KTN1: variants seen among roughly 807,000 people sequenced by gnomAD.
KTN1 encodes kinectin 1, also known as kinectin.
Under a neutral mutation model 222.5 loss-of-function variants are expected in KTN1, and 130 were observed. The ratio of observed to expected loss-of-function variants is 0.58; its 90% CI spans 0.51 to 0.68. The LOEUF is 0.68. KTN1 is among the 30% of genes least tolerant of loss of function. KTN1 has a pLI of 0.00. For missense variants in KTN1, 1,508 were observed against 1,500.4 expected (o/e 1.01, Z -0.08); for synonymous variants, 512 against 496.3 (o/e 1.03, Z -0.42).
At chr14:55,656,315 T>C (rs1353587050) in intron 29 of KTN1, 183 bp downstream of exon 29, 7 of 521,710 alleles carry the variant, frequency 1.3e-5, no homozygotes, top group Non-Finnish European at 2.1e-5. Context: ...TGTATGTATG[T>C]ATACTTGTTT....
In KTN1 at chr14:55,637,357, A is replaced by G. The variant is rs374845749; in HGVS notation, c.1709A>G (p.Gln570Arg). 11 of 1,546,870 alleles carry G rather than the reference A, an allele frequency of 7.1e-6. No homozygotes were observed. Among genetic ancestry groups the G allele is most frequent in the South Asian group, 3.7e-5 (3 of 80,794 alleles). ...AACAAAGAAGAGTCTCTACAAATGCAGGTTCAGGTATTTTTTCTTCTTTTT... is the reference window on the plus strand; with the variant it reads ...AACAAAGAAGAGTCTCTACAAATGCGGGTTCAGGTATTTTTTCTTCTTTTT... ...RVNKEESLQM[Q>R]VQDILEQNEA... The change falls in exon 11 of 44, where the codon CAG (glutamine) becomes CGG (arginine). Residue 570 changes from glutamine to arginine, a missense_variant. Gln to Arg is a conservative substitution (Grantham distance 43, BLOSUM62 1). Coordinates refer to ENST00000395314, the MANE Select transcript of KTN1 (RefSeq NM_001079521.2).
At chr14:55,611,634 C>T (rs1244740070) in intron 1 of KTN1, among the ~76,000 whole-genome samples, 1 of 152,122 alleles carries the variant, frequency 6.6e-6, no homozygotes, top group South Asian at 2.1e-4. Context: ...AATAGTACCT[C>T]CTTATTTTCA....
chr14:55,634,105 G>A (rs896343335), intron 8 of KTN1, among the ~76,000 whole-genome samples: 10 of 151,934 alleles, frequency 6.6e-5, no homozygotes, highest in African/African-American at 2.2e-4. Context: ...CTGTACTCCA[G>A]CCTGGGTGAC....
At chr14:55,625,605 T>C (rs184794663) in intron 5 of KTN1, among the ~76,000 whole-genome samples, 116 of 152,332 alleles carry the variant, frequency 7.6e-4, no homozygotes, top group African/African-American at 2.7e-3. Flanking sequence ...TCAATGTTAG[T>C]ACTTTTGTCA....
intron 29 of KTN1, among the ~76,000 whole-genome samples, chr14:55,657,719 A>G (rs1338848483): frequency 6.6e-6 from 1 of 151,944 alleles, no homozygotes; most frequent in Non-Finnish European, 1.5e-5. Flanking sequence ...GAGACCAAAC[A>G]TGGCCAACGT....
Position 55,670,797 on chromosome 14 carries a change from AGAG to A in KTN1, c.3341_3343del (p.Glu1114del). 6.2e-7 allele frequency: 1 copy of A among 1,607,786 alleles called. No individual in the cohort carries two copies. The highest frequency in any genetic ancestry group is 8.5e-7 in the Non-Finnish European group (1 of 1,175,398). On this transcript the variant is annotated inframe_deletion, in exon 35 of 44. Coordinates refer to ENST00000395314, the MANE Select transcript of KTN1 (RefSeq NM_001079521.2). ...AATGTATGGCTGGAACTTCAGGGTC[AGAG>A]GAGGTTAAGGTTAGTTCAGCAAATG... is the stretch of plus-strand genomic sequence containing the variant.
At position 55,661,555 on chromosome 14, in the gene KTN1, C is replaced by T; in HGVS notation, c.3033C>T (p.Leu1011=). 2 of 1,603,478 alleles carry T rather than the reference C, an allele frequency of 1.2e-6. No individual in the cohort carries two copies. Among genetic ancestry groups the T allele is most frequent in the Non-Finnish European group, 1.7e-6 (2 of 1,170,926 alleles). ...AAAGAGAGAAAGAAATAAGTGGTCT[C>T]TGGAATGAGTTAGATTCTTTGAAGG... ...ISEREKEISG[L]WNELDSLKDA... Residue 1011 remains leucine (L), a synonymous_variant, in exon 32 of 44, where the codon CTC becomes CTT. Transcript: ENST00000395314.
chr14:55,669,860 C>T (rs2045288106), intron 34 of KTN1, among the ~76,000 whole-genome samples: 1 of 151,944 alleles, frequency 6.6e-6, no homozygotes, highest in East Asian at 1.9e-4. Flanking sequence ...AATCCTGATT[C>T]TGCTGCATAT....
chr14:55,678,645 G>A, intron 42 of KTN1: 1 of 503,880 alleles, frequency 2.0e-6, no homozygotes, highest in East Asian at 3.5e-5. Context: ...GAGAGGTATG[G>A]AGCGGGGGTC....
At chr14:55,617,200 A>G (rs2140714390) in intron 3 of KTN1, among the ~76,000 whole-genome samples, 1 of 152,340 alleles carries the variant, frequency 6.6e-6, no homozygotes, top group Admixed American at 6.5e-5. Flanking sequence ...GTATGAGAGA[A>G]ATATTACCTG....
At chr14:55,644,282 A>C (rs1437867639) in intron 18 of KTN1, 2 of 592,236 alleles carry the variant, frequency 3.4e-6, no homozygotes, top group African/African-American at 1.9e-5. Flanking sequence ...TCCAAGTGAC[A>C]GTTGAGAGAT....
At chr14:55,678,603 T>C (rs1244308413) in intron 42 of KTN1, 159 bp downstream of exon 42, 1 of 594,386 alleles carries the variant, frequency 1.7e-6, no homozygotes, top group African/African-American at 1.9e-5. Flanking sequence ...CATTTTTGCT[T>C]ATTGAGGTAT....
intron 12 of KTN1, among the ~76,000 whole-genome samples, chr14:55,638,908 C>T (rs533782927): frequency 7.2e-5 from 11 of 151,848 alleles, no homozygotes; most frequent in Admixed American, 3.9e-4. Context: ...GTTTTTCCTA[C>T]TCATTTGTTG....
At chr14:55,606,872 A>G (rs1241676252) in intron 1 of KTN1, among the ~76,000 whole-genome samples, 1 of 152,182 alleles carries the variant, frequency 6.6e-6, no homozygotes, top group Non-Finnish European at 1.5e-5. Context: ...ATGAGTGTAT[A>G]TAATACTCAA....
intron 21 of KTN1, 85 bp from the exon 22 acceptor site, chr14:55,649,691 A>C: frequency 1.2e-6 from 1 of 810,710 alleles, no homozygotes; most frequent in Non-Finnish European, 2.0e-6. Context: ...ATTGTATTGG[A>C]AAATCTAAGG....
At chr14:55,609,766 G>A (rs537396983) in intron 1 of KTN1, among the ~76,000 whole-genome samples, 23 of 151,968 alleles carry the variant, frequency 1.5e-4, no homozygotes, top group African/African-American at 5.1e-4. Flanking sequence ...GTGCCTTAGC[G>A]TCTCTTCTTC....
chr14:55,593,445 C>CCG (rs2034491942), intron 1 of KTN1, among the ~76,000 whole-genome samples: 1 of 139,606 alleles, frequency 7.2e-6, no homozygotes, highest in South Asian at 2.4e-4. Context: ...CACCCCCCCC[C>CCG]CAAAAAAAAA....
At chr14:55,641,863 G>A (rs757937958) in intron 18 of KTN1, 103 bp downstream of exon 18, 250 of 758,618 alleles carry the variant, frequency 3.3e-4, no homozygotes, top group Non-Finnish European at 5.1e-4. Context: ...TTTTGCTTAA[G>A]CTTAGATATG....
chr14:55,679,686 G>A lies in KTN1; in HGVS notation c.4069+1G>A, dbSNP rs2046197174. ...GAGAAAGAGCACTACCAGGTGTTAG[G>A]TAAGGACAACTGAAATATTGCTGTC... is the stretch of plus-strand genomic sequence containing the variant. On this transcript the variant is annotated splice_donor_variant, in intron 43 of 43. Transcript: ENST00000395314. LOFTEE classifies it high-confidence loss of function. 1 of 1,613,518 alleles carries A rather than the reference G, an allele frequency of 6.2e-7. No individual in the cohort carries two copies.
Sources: allele counts gnomAD v4.1 joint callset (sites outside exome capture counted in the v4.1 genomes callset), GRCh38; gene constraint gnomAD v4.1.1; transcripts MANE v1.5; gene names NCBI Gene and HGNC (gene_info 2026-07-23, HGNC 2026-07-21).